Variants in BRAT1 observed in about 807,000 individuals in gnomAD.
BRAT1 encodes the protein BRCA1 associated ATM activator 1.
Under a neutral mutation model 70.6 loss-of-function variants are expected in BRAT1, and 74 were observed. The observed-to-expected ratio is 1.05, with a 90% confidence interval of 0.87 to 1.27. The LOEUF is 1.27. BRAT1 is among the 50% of genes most tolerant of loss of function. The pLI is 0.00. For synonymous variants in BRAT1, 615 were observed against 517.1 expected (o/e 1.19, Z -2.57); for missense variants, 1,203 against 1,098.2 (o/e 1.10, Z -1.35).
chr7:2,548,633 T>A (rs1779782269), intron 2 of BRAT1, among the ~76,000 whole-genome samples: 1 of 149,854 alleles, frequency 6.7e-6, no homozygotes, highest in South Asian at 2.1e-4. Flanking sequence ...ACCACTGTAC[T>A]CCAGCCTGGG....
In BRAT1 at chr7:2,543,788, A is replaced by C. The variant is rs761277362; in HGVS notation, c.605T>G (p.Val202Gly). ...PACAQKIMDH[V>G]EESLCSAATP... ...GGCCGCGGAGCACAAGGACTCTTCA[A>C]CGTGATCCATGATCTTCTGGGCACA... The change falls in exon 5 of 14, where the codon GTT (valine) becomes GGT (glycine). Residue 202 changes from valine (V) to glycine (G), a missense_variant. By Grantham distance (109) the Val-to-Gly change is moderately radical. Coordinates refer to ENST00000340611, the MANE Select transcript of BRAT1 (RefSeq NM_152743.4). This position sits in a 1 kb window ranked among gnomAD's most constrained non-coding sequence, Gnocchi z 5.5. 4 of 1,612,612 alleles carry C rather than the reference A, an allele frequency of 2.5e-6. No homozygotes were observed. The highest frequency in any genetic ancestry group is 1.7e-6 in the Non-Finnish European group (2 of 1,179,694).
At position 2,547,462 on chromosome 7, in the gene BRAT1, C is replaced by T. The variant is rs776718349; in HGVS notation, c.144G>A (p.Leu48=). ...TVTEGESSVV[L]LQEHPCLVEL... The stretch of plus-strand genomic sequence containing the variant: ...CCACCAGGCAGGGGTGCTCCTGCAG[C>T]AGCACGACACTGGACTCTGTGGGGA... The change falls in exon 3 of 14, where the codon CTG becomes CTA. Residue 48 remains leucine, a synonymous_variant. Transcript: ENST00000340611. The T allele has an allele frequency of 7.4e-6, 12 of 1,614,020 alleles. No homozygotes were observed. Among genetic ancestry groups the T allele is most frequent in the Non-Finnish European group, 7.6e-6 (9 of 1,180,016 alleles).
At position 2,538,883 on chromosome 7, in the gene BRAT1, G is replaced by T; in HGVS notation, c.1771-119C>A. The T allele has an allele frequency of 2.7e-6, 4 of 1,499,266 alleles. No individual in the cohort carries two copies. The South Asian group carries it at 5.2e-5, about 19-fold the overall frequency. 92.9% of individuals were successfully genotyped at this position (1,499,266 alleles called of 1,614,324 possible). On this transcript the variant is annotated intron_variant, in intron 13 of 13. Transcript: ENST00000340611. ...GACATGCAGTCTAGGGCCACAGCCC[G>T]CTCTGACACCTTCCCATGCTGCGCA... is the stretch of plus-strand genomic sequence containing the variant.
chr7:2,541,987 T>G, intron 7 of BRAT1, 133 bp downstream of exon 7: 1 of 1,205,378 alleles, frequency 8.3e-7, no homozygotes, highest in South Asian at 1.5e-5. Flanking sequence ...CCCGGTCCCC[T>G]TTGCTCTTGG....
intron 6 of BRAT1, 103 bp from the exon 7 acceptor site, chr7:2,542,314 G>A (rs1254096463): frequency 2.1e-6 from 2 of 957,128 alleles, no homozygotes; most frequent in East Asian, 5.2e-5. Flanking sequence ...CCAGGGGGTT[G>A]GGACACCCCC....
rs560003607 is a variant in BRAT1 at position 2,538,660 on chromosome 7, G to T, written c.1875C>A (p.Ala625=). The change falls in exon 14 of 14, where the codon GCC becomes GCA. Residue 625 remains alanine (A), a synonymous_variant. Transcript: ENST00000340611. ...VFTEWLRDGH[A]DAAQDTEQFV... ...ACTGCTCCGTGTCCTGGGCCGCGTC[G>T]GCGTGGCCGTCCCGCAGCCACTCAG... 6.3e-7 allele frequency: 1 copy of T among 1,598,192 alleles called. No individual in the cohort carries two copies. The highest frequency in any genetic ancestry group is 1.3e-5 in the African/African-American group (1 of 74,932).
intron 10 of BRAT1, chr7:2,540,663 A>T: frequency 3.2e-6 from 1 of 314,194 alleles, no homozygotes; most frequent in Non-Finnish European, 5.8e-6. Context: ...CGCTTAGGAG[A>T]ACCCAAAGCC....
Position 2,543,639 on chromosome 7 carries a change from G to A in BRAT1, c.754C>T (p.Pro252Ser), listed in dbSNP as rs754611081. 5.2e-6 allele frequency: 8 copies of A among 1,541,934 alleles called. No individual in the cohort carries two copies. Among genetic ancestry groups the A allele is most frequent in the Admixed American group, 1.9e-5 (1 of 52,970 alleles). Reference protein sequence around the residue: ...PRVACLLERDPIPAAHSFVDL... With the variant: ...PRVACLLERDSIPAAHSFVDL... The stretch of plus-strand genomic sequence containing the variant: ...ACGAACGAGTGTGCGGCGGGGATGG[G>A]GTCTCTCTCCAGCAGACAGGCCACG... Residue 252 changes from proline to serine, a missense_variant, in exon 5 of 14, where the codon CCC (proline) becomes TCC (serine). By Grantham distance (74) the Pro-to-Ser change is moderately conservative. Coordinates refer to ENST00000340611, the MANE Select transcript of BRAT1 (RefSeq NM_152743.4). This position sits in a 1 kb window ranked among gnomAD's most constrained non-coding sequence, Gnocchi z 5.5.
rs780366274 is a variant in BRAT1 at position 2,539,309 on chromosome 7, G to C, written c.1640C>G (p.Pro547Arg). ...FRCALLASEV[P>R]QLALQLLQDP... ...CTGGAGGAGCTGCAGGGCCAGCTGA[G>C]GCACCTCTGAAGCCAAGAGTGCGCA... Residue 547 changes from proline (P) to arginine (R), a missense_variant, in exon 13 of 14, where the codon CCT (proline) becomes CGT (arginine). By Grantham distance (103) the Pro-to-Arg change is moderately radical. Coordinates refer to ENST00000340611, the MANE Select transcript of BRAT1 (RefSeq NM_152743.4). 3.1e-6 allele frequency: 5 copies of C among 1,611,970 alleles called. No homozygotes were observed. The South Asian group carries it at 4.4e-5, about 14-fold the overall frequency.
chr7:2,543,578 C>T lies in BRAT1; in HGVS notation c.803+12G>A, dbSNP rs886231445. 1.3e-5 allele frequency: 20 copies of T among 1,506,832 alleles called. No homozygotes were observed. The highest frequency in any genetic ancestry group is 7.0e-5 in the African/African-American group (5 of 71,476). 93.3% of individuals were successfully genotyped at this position (1,506,832 alleles called of 1,614,324 possible). A position where few individuals can be genotyped will look rare whatever the true frequency, so the allele number is the denominator to read the frequency against. ...CCACCCAGGCCCCCCAGCTGCGTCC[C>T]GGGGCCCTGACCGAGCCACACAGAG... is the stretch of plus-strand genomic sequence containing the variant. On this transcript the variant is annotated intron_variant, in intron 5 of 13. Coordinates refer to ENST00000340611, the MANE Select transcript of BRAT1 (RefSeq NM_152743.4). The surrounding 1 kb of genome is among the most constrained non-coding windows in gnomAD (Gnocchi z 5.5).
chr7:2,554,167 A>C (rs1780239419), intron 2 of BRAT1, 138 bp downstream of exon 2: 1 of 1,189,156 alleles, frequency 8.4e-7, no homozygotes, highest in African/African-American at 1.5e-5. Context: ...AATCCTTAGG[A>C]AGTGAAGGAA....
At chr7:2,539,113 G>A (rs1269219006) in intron 13 of BRAT1, 66 bp downstream of exon 13, 13 of 1,529,824 alleles carry the variant, frequency 8.5e-6, no homozygotes, top group East Asian at 6.8e-5. Flanking sequence ...TCGACCACCC[G>A]CAAGCAAACG....
At chr7:2,549,066 G>A (rs558859875) in intron 2 of BRAT1, among the ~76,000 whole-genome samples, 3 of 152,276 alleles carry the variant, frequency 2.0e-5, no homozygotes, top group South Asian at 2.1e-4. Context: ...AAATACTAAC[G>A]ACAATAATAG....
chr7:2,538,626 T>C lies in BRAT1; in HGVS notation c.1909A>G (p.Thr637Ala), dbSNP rs996224277. 8 of 1,598,116 alleles carry C rather than the reference T, an allele frequency of 5.0e-6. No homozygotes were observed. The highest frequency in any genetic ancestry group is 6.8e-6 in the Non-Finnish European group (8 of 1,179,354). Residue 637 changes from threonine to alanine, a missense_variant, in exon 14 of 14, where the codon ACT becomes GCT. Physicochemically the swap from Thr to Ala is moderately conservative, Grantham distance 58 (BLOSUM62 0). Coordinates refer to ENST00000340611, the MANE Select transcript of BRAT1 (RefSeq NM_152743.4). ...TCTCGGCTCGCCGCCTGCAGCACAG[T>C]GGCCACGAACTGCTCCGTGTCCTGG... ...AAQDTEQFVA[T>A]VLQAASRDLD... is the part of the protein sequence containing the mutation.
Position 2,554,212 on chromosome 7 carries a change from G to A in BRAT1, c.127+93C>T, listed in dbSNP as rs1170697850. 5.9e-6 allele frequency: 9 copies of A among 1,523,724 alleles called. 1 individual carries two copies. The South Asian group carries it at 8.6e-5, about 15-fold the overall frequency. The allele number at this position is 1,523,724 out of a possible 1,614,324, so 94.4% of individuals were successfully genotyped here. ...ATTGGCAGTTTCTGCCCTTCCTCCAGGACAGGGGAGTCCCCATCTGGCCCC... is the reference window on the plus strand; with the variant it reads ...ATTGGCAGTTTCTGCCCTTCCTCCAAGACAGGGGAGTCCCCATCTGGCCCC... On this transcript the variant is annotated intron_variant, in intron 2 of 13. Coordinates refer to ENST00000340611, the MANE Select transcript of BRAT1 (RefSeq NM_152743.4).
In BRAT1 at chr7:2,539,801, G is replaced by T. The variant is rs1354679314; in HGVS notation, c.1483C>A (p.Pro495Thr). ...PGCSDLGPLI[P>T]QFLRELFPVL... is the part of the protein sequence containing the mutation. ...GCTGCGTTACCTCTGAGGAACTGCG[G>T]GATGAGGGGGCCGAGATCAGAGCAG... Residue 495 changes from proline (P) to threonine (T), a missense_variant, in exon 11 of 14, where the codon CCG becomes ACG. Pro to Thr is a conservative substitution (Grantham distance 38). Transcript: ENST00000340611. 6.2e-7 allele frequency: 1 copy of T among 1,611,954 alleles called. No individual in the cohort carries two copies. Among genetic ancestry groups the T allele is most frequent in the African/African-American group, 1.3e-5 (1 of 75,046 alleles).
At chr7:2,541,575 G>T in intron 8 of BRAT1, 91 bp from the exon 9 acceptor site, 3 of 1,468,574 alleles carry the variant, frequency 2.0e-6, no homozygotes, top group South Asian at 1.3e-5. Flanking sequence ...TGGGGCGGGG[G>T]ACATCAGCCA....
At position 2,539,254 on chromosome 7, in the gene BRAT1, T is replaced by C. The variant is rs1243044830; in HGVS notation, c.1695A>G (p.Ala565=). ...QDPESYVRAS[A]VTAMGQLSSQ... is the part of the protein sequence containing the mutation. ...TGGACAGCTGCCCCATGGCGGTCAC[T>C]GCACTCGCTCGGACATAACTCTCAG... The change falls in exon 13 of 14, where the codon GCA becomes GCG. Residue 565 remains alanine (A), a synonymous_variant. Coordinates refer to ENST00000340611, the MANE Select transcript of BRAT1 (RefSeq NM_152743.4). The C allele has an allele frequency of 1.2e-6, 2 of 1,611,470 alleles. No homozygotes were observed. Among genetic ancestry groups the C allele is most frequent in the Admixed American group, 1.7e-5 (1 of 59,998 alleles).
At chr7:2,550,287 T>C (rs1219233572) in intron 2 of BRAT1, among the ~76,000 whole-genome samples, 1 of 150,958 alleles carries the variant, frequency 6.6e-6, no homozygotes, top group Non-Finnish European at 1.5e-5. Context: ...GGCTACATAG[T>C]GAAACCCCGT....
Sources: allele counts gnomAD v4.1 joint callset (sites outside exome capture counted in the v4.1 genomes callset), GRCh38; gene constraint gnomAD v4.1.1; non-coding constraint Gnocchi (gnomAD v3.1); transcripts MANE v1.5; gene names NCBI Gene and HGNC (gene_info 2026-07-23, HGNC 2026-07-21).